DOK6: variants seen among roughly 807,000 people sequenced by gnomAD.
DOK6 encodes downstream of tyrosine kinase 6.
In DOK6, 22 loss-of-function variants were observed where a neutral mutation model predicts 44.0. The observed-to-expected ratio is 0.50, with a 90% CI of 0.36 to 0.71. The LOEUF is 0.71. Among genes scored for constraint, DOK6 ranks in the 30% least tolerant of loss-of-function variants. The pLI is 0.00. For missense variants in DOK6, 340 were observed against 416.4 expected, an observed-to-expected ratio of 0.82 and a Z score of 1.60; for synonymous variants, 166 against 145.5, an observed-to-expected ratio of 1.14 and a Z score of -1.01.
rs558615058 is a variant in DOK6 at position 69,685,658 on chromosome 18, T to C, written c.409+7805T>C. ...TAACAATTCTAGTGATGCTCATATATACATTAAAGCTTGAAATTTGGGGGT... is the reference window on the plus strand; with the variant it reads ...TAACAATTCTAGTGATGCTCATATACACATTAAAGCTTGAAATTTGGGGGT... On this transcript the variant is annotated intron_variant, in intron 4 of 7. Coordinates refer to ENST00000382713, the MANE Select transcript of DOK6 (RefSeq NM_152721.6). Among the ~76,000 whole-genome samples, 12 of 152,338 alleles carry C rather than the reference T, an allele frequency of 7.9e-5. 1 individual carries two copies. Among genetic ancestry groups the C allele is most frequent in the African/African-American group, 2.4e-4 (10 of 41,570 alleles).
chr18:69,550,092 A>G (rs1285726855), intron 1 of DOK6, among the ~76,000 whole-genome samples: 2 of 151,280 alleles, frequency 1.3e-5, no homozygotes, highest in African/African-American at 4.8e-5. Flanking sequence ...AAATTTTACA[A>G]ACATTTTTGA....
chr18:69,554,244 A>G (rs1486328163), intron 1 of DOK6, among the ~76,000 whole-genome samples: 1 of 152,174 alleles, frequency 6.6e-6, no homozygotes, highest in African/African-American at 2.4e-5. Context: ...TTAGTAGCCA[A>G]AAAGAAACCC....
chr18:69,748,335 G>A (rs936521237), intron 6 of DOK6, among the ~76,000 whole-genome samples: 3 of 152,038 alleles, frequency 2.0e-5, no homozygotes, highest in East Asian at 1.9e-4. Flanking sequence ...ACAGATCACC[G>A]AGACAGAAAC....
intron 3 of DOK6, among the ~76,000 whole-genome samples, chr18:69,601,327 A>T (rs1023604726): frequency 2.6e-5 from 4 of 152,208 alleles, no homozygotes; most frequent in African/African-American, 9.6e-5. Flanking sequence ...TTATTTGAAT[A>T]GTACATTTGA....
chr18:69,592,417 A>C (rs1000255593), intron 2 of DOK6, among the ~76,000 whole-genome samples: 3 of 151,946 alleles, frequency 2.0e-5, no homozygotes, highest in Admixed American at 2.0e-4. Flanking sequence ...CAATTATGAA[A>C]TCCTACAAAA....
At chr18:69,793,319 C>A (rs1980652581) in intron 7 of DOK6, among the ~76,000 whole-genome samples, 1 of 152,134 alleles carries the variant, frequency 6.6e-6, no homozygotes, top group African/African-American at 2.4e-5. Context: ...AAGGCACTGT[C>A]CTAGGCATAT....
At chr18:69,496,701 T>C (rs1444478285) in intron 1 of DOK6, among the ~76,000 whole-genome samples, 1 of 152,194 alleles carries the variant, frequency 6.6e-6, no homozygotes, top group Non-Finnish European at 1.5e-5. Flanking sequence ...GGGTGATTTT[T>C]TTCATATTTT....
At position 69,416,907 on chromosome 18, in the gene DOK6, CA is replaced by C. The variant is rs1194973157; in HGVS notation, c.66+15599del. On this transcript the variant is annotated intron_variant, in intron 1 of 7. Transcript: ENST00000382713. ...TCTCCTAAACCATTTTAGGTTATGG[CA>C]ATTATGCTATTTTTAATTTTTAAAT... Among the ~76,000 whole-genome samples the C allele has an allele frequency of 2.1e-5, 3 of 145,232 alleles. No individual in the cohort carries two copies. The East Asian group carries it at 5.8e-4, about 28-fold the overall frequency.
chr18:69,514,411 T>C (rs766460204), intron 1 of DOK6, among the ~76,000 whole-genome samples: 6 of 152,170 alleles, frequency 3.9e-5, no homozygotes, highest in Non-Finnish European at 7.4e-5. Flanking sequence ...AATTTCCAAG[T>C]GGAAGAAAGT....
chr18:69,809,781 G>C (rs1293871910), intron 7 of DOK6, among the ~76,000 whole-genome samples: 3 of 151,640 alleles, frequency 2.0e-5, no homozygotes, highest in African/African-American at 7.3e-5. Flanking sequence ...AACCAAGGAG[G>C]TGAAAGACCT....
At chr18:69,637,735 TC>T (rs1274848857) in intron 3 of DOK6, among the ~76,000 whole-genome samples, 1 of 38,540 alleles carries the variant, frequency 2.6e-5, no homozygotes, top group Admixed American at 2.7e-4. Flanking sequence ...ATATTCTCTC[TC>T]TTTTTTTTTA....
intron 3 of DOK6, chr18:69,661,135 C>A (rs1412186512): frequency 6.6e-6 from 1 of 152,184 alleles, no homozygotes; most frequent in Non-Finnish European, 1.5e-5. Context: ...TGCTTATAAA[C>A]AACAGAAATG....
intron 3 of DOK6, among the ~76,000 whole-genome samples, chr18:69,623,962 A>G (rs1404171997): frequency 6.6e-6 from 1 of 152,204 alleles, no homozygotes; most frequent in Non-Finnish European, 1.5e-5. Flanking sequence ...ACAATTAGAC[A>G]TGATAGACAT....
At chr18:69,600,763 G>A (rs1233268181) in intron 3 of DOK6, among the ~76,000 whole-genome samples, 1 of 151,898 alleles carries the variant, frequency 6.6e-6, no homozygotes, top group African/African-American at 2.4e-5. Context: ...GCAATATTTT[G>A]AATGTATAGG....
intron 3 of DOK6, among the ~76,000 whole-genome samples, chr18:69,609,277 A>C (rs1984077974): frequency 6.6e-6 from 1 of 152,198 alleles, no homozygotes; most frequent in Admixed American, 6.5e-5. Flanking sequence ...AATTTCCAGA[A>C]TATATTAGGC....
At chr18:69,787,896 T>C (rs1472007758) in intron 7 of DOK6, among the ~76,000 whole-genome samples, 1 of 152,240 alleles carries the variant, frequency 6.6e-6, no homozygotes, top group Non-Finnish European at 1.5e-5. Flanking sequence ...AGACTAAATA[T>C]ATATGCACTT....
intron 1 of DOK6, among the ~76,000 whole-genome samples, chr18:69,448,361 T>A (rs1979356728): frequency 6.6e-6 from 1 of 152,102 alleles, no homozygotes; most frequent in Non-Finnish European, 1.5e-5. Context: ...TTGATTCTTT[T>A]TTTATTTTTA....
intron 1 of DOK6, chr18:69,469,443 CTT>C (rs71176968): frequency 0.079 from 11,601 of 146,160 alleles, 1,165 homozygotes; most frequent in African/African-American, 0.24. Flanking sequence ...ATAATTACGG[CTT>C]TTTTTTTTTT....
chr18:69,567,591 G>C (rs1305712008), intron 2 of DOK6, among the ~76,000 whole-genome samples: 1 of 152,178 alleles, frequency 6.6e-6, no homozygotes, highest in Non-Finnish European at 1.5e-5. Context: ...CAAGTGATGA[G>C]AGTCAATGAC....
Sources: allele counts gnomAD v4.1 joint callset (sites outside exome capture counted in the v4.1 genomes callset), GRCh38; gene constraint gnomAD v4.1.1; transcripts MANE v1.5; gene names NCBI Gene and HGNC (gene_info 2026-07-23, HGNC 2026-07-21).